HMCN1: variants seen among roughly 807,000 people sequenced by gnomAD.
HMCN1 encodes the protein hemicentin-1.
A neutral mutation model predicts 625.9 loss-of-function variants in HMCN1; 321 were observed. The observed-to-expected ratio is 0.51, with a 90% confidence interval of 0.47 to 0.56. The LOEUF is 0.56. Among genes scored for constraint, HMCN1 ranks in the 20% least tolerant of loss-of-function variants. The pLI is 0.00. For synonymous variants in HMCN1, 2,425 were observed against 2,417.6 expected (o/e 1.00, Z -0.09); for missense variants, 6,588 against 6,887.3 (o/e 0.96, Z 1.54).
At chr1:186,142,957 A>G (rs937515431) in intron 89 of HMCN1, among the ~76,000 whole-genome samples, 4 of 152,194 alleles carry the variant, frequency 2.6e-5, no homozygotes, top group Non-Finnish European at 4.4e-5. Flanking sequence ...GAAATCATAC[A>G]GTCAATATTT....
At chr1:185,796,164 T>C (rs60735946) in intron 1 of HMCN1, among the ~76,000 whole-genome samples, 13,861 of 152,204 alleles carry the variant, frequency 0.091, 2,038 homozygotes, top group African/African-American at 0.31. Flanking sequence ...AACTGTTCTA[T>C]CTTAGAACAT....
At chr1:186,088,366 C>T (rs1298133424) in intron 62 of HMCN1, 90 bp downstream of exon 62, 3 of 1,588,322 alleles carry the variant, frequency 1.9e-6, no homozygotes, top group African/African-American at 1.3e-5. Context: ...TTTTAAGTAC[C>T]ATGCTCATAG....
intron 1 of HMCN1, among the ~76,000 whole-genome samples, chr1:185,793,831 C>T (rs919231730): frequency 3.9e-5 from 6 of 152,176 alleles, no homozygotes; most frequent in Non-Finnish European, 5.9e-5. Context: ...AAAGTCATAC[C>T]GCTTAGTTGA....
rs557856349 is a variant in HMCN1 at position 186,159,402 on chromosome 1, G to A, written c.15256+5415G>A. Among the ~76,000 whole-genome samples the A allele has an allele frequency of 4.5e-3, 677 of 152,074 alleles. 5 individuals are homozygous for A. Among genetic ancestry groups the A allele is most frequent in the African/African-American group, 0.015 (624 of 41,462 alleles). ...TGACTTCCTCTTTTCCTAATTGAAT[G>A]CCCTTTATTTCCTTCTCCTGCCTAA... is the stretch of plus-strand genomic sequence containing the variant. On this transcript the variant is annotated intron_variant, in intron 97 of 106. Transcript: ENST00000271588.
At chr1:185,971,016 A>T (rs537709534) in intron 15 of HMCN1, among the ~76,000 whole-genome samples, 78 of 152,144 alleles carry the variant, frequency 5.1e-4, no homozygotes, top group Non-Finnish European at 9.8e-4. Context: ...TCCTAAAATT[A>T]TCTCCTTTTT....
chr1:185,989,623 AG>A lies in HMCN1; in HGVS notation c.3186del (p.Val1064CysfsTer3), dbSNP rs1203791864. 6.2e-7 allele frequency: 1 copy of A among 1,614,086 alleles called. No individual in the cohort carries two copies. Among genetic ancestry groups the A allele is most frequent in the South Asian group, 1.1e-5 (1 of 91,082 alleles). On this transcript the variant is annotated frameshift_variant, in exon 21 of 107. Coordinates refer to ENST00000271588, the MANE Select transcript of HMCN1 (RefSeq NM_031935.3). LOFTEE classifies it high-confidence loss of function. The stretch of plus-strand genomic sequence containing the variant: ...CACCAATACAGCCGGCTACGCCAAA[AG>A]GAAAGTGCAGCTAACAGTCTATGGT... Reference protein sequence around the residue: ...TATNTAGYAKRKVQLTVYVRP... With the variant: ...TATNTAGYAKXKVQLTVYVRP...
intron 24 of HMCN1, among the ~76,000 whole-genome samples, chr1:185,996,124 A>T (rs1013186639): frequency 3.3e-5 from 5 of 152,172 alleles, no homozygotes; most frequent in Non-Finnish European, 7.4e-5. Context: ...TAGTCTCATG[A>T]CTATGTAATT....
At chr1:185,768,164 G>C (rs1200337682) in intron 1 of HMCN1, among the ~76,000 whole-genome samples, 1 of 152,062 alleles carries the variant, frequency 6.6e-6, no homozygotes, top group Non-Finnish European at 1.5e-5. Context: ...TCAAAATATT[G>C]AGAAAGAAGC....
chr1:186,063,094 A>G (rs1400111161), intron 48 of HMCN1, among the ~76,000 whole-genome samples: 2 of 122,732 alleles, frequency 1.6e-5, no homozygotes, highest in African/African-American at 6.1e-5. Context: ...ATATATATAT[A>G]TATATATATC....
At chr1:185,958,386 T>G (rs1357923824) in intron 11 of HMCN1, among the ~76,000 whole-genome samples, 1 of 152,192 alleles carries the variant, frequency 6.6e-6, no homozygotes, top group Non-Finnish European at 1.5e-5. Context: ...CCGAAAATGC[T>G]GGGATTACAA....
intron 1 of HMCN1, among the ~76,000 whole-genome samples, chr1:185,819,934 A>C (rs955398067): frequency 2.0e-5 from 3 of 152,182 alleles, no homozygotes; most frequent in Admixed American, 6.5e-5. Flanking sequence ...TGACCTGTTA[A>C]AGGCATGGCA....
At chr1:185,854,490 A>G (rs1225454257) in intron 2 of HMCN1, among the ~76,000 whole-genome samples, 2 of 152,112 alleles carry the variant, frequency 1.3e-5, no homozygotes, top group Non-Finnish European at 2.9e-5. Flanking sequence ...CCTATGGAGC[A>G]ATGTCTGGGG....
intron 15 of HMCN1, among the ~76,000 whole-genome samples, chr1:185,970,750 C>T (rs1039518179): frequency 2.6e-5 from 4 of 151,980 alleles, no homozygotes; most frequent in Non-Finnish European, 4.4e-5. Flanking sequence ...CCTCTGCACC[C>T]CATGTTCGAG....
At chr1:185,960,780 T>C (rs1308642113) in intron 11 of HMCN1, among the ~76,000 whole-genome samples, 1 of 152,216 alleles carries the variant, frequency 6.6e-6, no homozygotes, top group East Asian at 1.9e-4. Flanking sequence ...AAGCATTTTA[T>C]TTTAGGAAGA....
Position 186,155,958 on chromosome 1 carries a change from C to G in HMCN1, c.15256+1971C>G, listed in dbSNP as rs187687384. Among the ~76,000 whole-genome samples, 166 of 152,224 alleles carry G rather than the reference C, an allele frequency of 1.1e-3. 2 individuals are homozygous for G. Among genetic ancestry groups the G allele is most frequent in the East Asian group, 5.6e-3 (29 of 5,178 alleles). On this transcript the variant is annotated intron_variant, in intron 97 of 106. Coordinates refer to ENST00000271588, the MANE Select transcript of HMCN1 (RefSeq NM_031935.3). ...CTGGGCACAAAGATTTTTGGTTTAG[C>G]AAGTCCACAGTAGGGTCTGGGAGTT...
At position 186,161,245 on chromosome 1, in the gene HMCN1, C is replaced by T. The variant is rs574232227; in HGVS notation, c.15257-3866C>T. On this transcript the variant is annotated intron_variant, in intron 97 of 106. Transcript: ENST00000271588. ...TTATCAGAGACTAGGATTGCAACCC[C>T]TGCCTTTTTTTGTTTTCCATTTGCT... Among the ~76,000 whole-genome samples, 765 of 151,498 alleles carry T rather than the reference C, an allele frequency of 5.0e-3. 7 individuals carry two copies. The highest frequency in any genetic ancestry group is 0.018 in the African/African-American group (722 of 41,190).
chr1:186,161,930 G>GCATAGTCCCATATTTCTTGAGGCTT (rs1651515710), intron 97 of HMCN1, among the ~76,000 whole-genome samples: 1 of 151,992 alleles, frequency 6.6e-6, no homozygotes, highest in African/African-American at 2.4e-5. Context: ...TATCTTTGTG[G>GCATAGTCCCATATTTCTTGAGGCTT]TGTTCTCTGT....
chr1:185,839,102 A>G (rs528532210), intron 1 of HMCN1, among the ~76,000 whole-genome samples: 1 of 152,308 alleles, frequency 6.6e-6, no homozygotes, highest in African/African-American at 2.4e-5. Context: ...CAACATGTGG[A>G]AATTTCAACA....
intron 4 of HMCN1, among the ~76,000 whole-genome samples, chr1:185,872,468 C>A (rs969208668): frequency 1.3e-5 from 2 of 149,292 alleles, no homozygotes; most frequent in African/African-American, 5.2e-5. Context: ...TTATCTTTGT[C>A]TGTAGGCTTC....
Sources: allele counts gnomAD v4.1 joint callset (sites outside exome capture counted in the v4.1 genomes callset), GRCh38; gene constraint gnomAD v4.1.1; transcripts MANE v1.5; gene names NCBI Gene and HGNC (gene_info 2026-07-23, HGNC 2026-07-21).